The following CTNNA3 variants were observed in gnomAD, a reference collection of about 807,000 sequenced individuals.
CTNNA3 encodes the protein catenin alpha-3.
CTNNA3 carries 76 observed loss-of-function variants against 95.7 expected under a neutral mutation model. That is an observed-to-expected ratio of 0.79 (90% CI 0.66 to 0.96). The LOEUF is 0.96. Ranked by LOEUF, CTNNA3 falls within the 40% of genes least tolerant of loss-of-function variation. The pLI is 0.00. For missense variants in CTNNA3, 1,191 were observed against 1,089.8 expected (o/e 1.09, Z -1.31); for synonymous variants, 431 against 374.4 (o/e 1.15, Z -1.74).
At chr10:67,298,784 T>C (rs964699792) in intron 5 of CTNNA3, among the ~76,000 whole-genome samples, 1 of 152,226 alleles carries the variant, frequency 6.6e-6, no homozygotes, top group African/African-American at 2.4e-5. Flanking sequence ...GTTGCACAAC[T>C]GGAACTATAT....
chr10:66,773,241 C>T (rs1289328128), intron 8 of CTNNA3, among the ~76,000 whole-genome samples: 1 of 152,140 alleles, frequency 6.6e-6, no homozygotes, highest in Non-Finnish European at 1.5e-5. Flanking sequence ...TACACACATA[C>T]CACTTCTCCT....
At chr10:65,937,598 G>T (rs1371313850) in intron 17 of CTNNA3, among the ~76,000 whole-genome samples, 1 of 152,054 alleles carries the variant, frequency 6.6e-6, no homozygotes, top group Admixed American at 6.5e-5. Context: ...TTCAAGTAGT[G>T]ATCATGACCA....
intron 1 of CTNNA3, among the ~76,000 whole-genome samples, chr10:67,756,256 A>T (rs890154382): frequency 3.9e-5 from 6 of 152,228 alleles, no homozygotes; most frequent in Non-Finnish European, 7.3e-5. Context: ...CCTAGTTTTT[A>T]GATAAATCAG....
At chr10:66,800,070 G>A (rs914790130) in intron 7 of CTNNA3, among the ~76,000 whole-genome samples, 1 of 151,224 alleles carries the variant, frequency 6.6e-6, no homozygotes, top group Admixed American at 6.6e-5. Flanking sequence ...CTAAAGAAAG[G>A]TCTTTAAGTA....
intron 13 of CTNNA3, among the ~76,000 whole-genome samples, chr10:66,196,471 C>T (rs747160483): frequency 4.6e-5 from 7 of 152,116 alleles, no homozygotes; most frequent in East Asian, 1.9e-4. Flanking sequence ...GGGAAGCCAA[C>T]CAGAAACTCC....
chr10:66,256,127 G>A (rs952818568), intron 13 of CTNNA3, among the ~76,000 whole-genome samples: 18 of 152,090 alleles, frequency 1.2e-4, no homozygotes, highest in African/African-American at 4.3e-4. Context: ...TTGTTGGAAG[G>A]AATGAAAAAG....
intron 1 of CTNNA3, among the ~76,000 whole-genome samples, chr10:67,678,228 C>T (rs1840568157): frequency 6.6e-6 from 1 of 152,074 alleles, no homozygotes; most frequent in South Asian, 2.1e-4. Context: ...GAATATATCT[C>T]TTCTGTGTTC....
At chr10:67,424,690 A>G (rs1349963378) in intron 5 of CTNNA3, among the ~76,000 whole-genome samples, 1 of 152,074 alleles carries the variant, frequency 6.6e-6, no homozygotes, top group South Asian at 2.1e-4. Context: ...ATTATACTCA[A>G]TAATTTTCTT....
chr10:67,489,788 T>TTATATATATATATATATATATA (rs372899542), intron 5 of CTNNA3, among the ~76,000 whole-genome samples: 8 of 142,456 alleles, frequency 5.6e-5, no homozygotes, highest in African/African-American at 1.9e-4. Context: ...ATACATGATT[T>TTATATATATATATATATATATA]TATATATATA....
chr10:67,320,153 G>A (rs573148016), intron 5 of CTNNA3, among the ~76,000 whole-genome samples: 1 of 152,206 alleles, frequency 6.6e-6, no homozygotes, highest in South Asian at 2.1e-4. Flanking sequence ...TTAGATTTGG[G>A]AAAGCCTCTT....
At chr10:66,227,292 C>T (rs2089347023) in intron 13 of CTNNA3, among the ~76,000 whole-genome samples, 1 of 151,972 alleles carries the variant, frequency 6.6e-6, no homozygotes, top group South Asian at 2.1e-4. Flanking sequence ...CAGTTTTCTC[C>T]ATTCAGTATA....
intron 15 of CTNNA3, among the ~76,000 whole-genome samples, chr10:66,021,921 G>A (rs567266611): frequency 2.3e-4 from 32 of 140,014 alleles, no homozygotes; most frequent in Admixed American, 5.5e-4. Flanking sequence ...TTGTACGACC[G>A]CAGCTCATTG....
chr10:66,612,110 C>A (rs1291615212), intron 10 of CTNNA3, among the ~76,000 whole-genome samples: 3 of 152,100 alleles, frequency 2.0e-5, no homozygotes, highest in Non-Finnish European at 4.4e-5. Context: ...CTATAAACCT[C>A]AAATTCATTC....
chr10:66,483,886 A>G (rs1385865788), intron 11 of CTNNA3, among the ~76,000 whole-genome samples: 1 of 152,170 alleles, frequency 6.6e-6, no homozygotes, highest in African/African-American at 2.4e-5. Flanking sequence ...AAAAACTTAA[A>G]AAAATAAGAT....
At position 66,781,997 on chromosome 10, in the gene CTNNA3, TTAAAC is replaced by T. The variant is rs71791563; in HGVS notation, c.1048-6478_1048-6474del. Among the ~76,000 whole-genome samples, 465 of 152,248 alleles carry T rather than the reference TTAAAC, an allele frequency of 3.1e-3. 3 individuals carry two copies. Among genetic ancestry groups the T allele is most frequent in the African/African-American group, 0.011 (446 of 41,550 alleles). Reference sequence around the variant, plus strand: ...CATGACAACTTGAAGCCACTGTAACTTAAACTCAATATATCTGTTATGTAAGCTTT... The same window carrying T: ...CATGACAACTTGAAGCCACTGTAACTTCAATATATCTGTTATGTAAGCTTT... On this transcript the variant is annotated intron_variant, in intron 7 of 17. Transcript: ENST00000433211.
At chr10:66,577,005 A>C (rs1843024634) in intron 10 of CTNNA3, among the ~76,000 whole-genome samples, 1 of 148,232 alleles carries the variant, frequency 6.7e-6, no homozygotes, top group African/African-American at 2.5e-5. Flanking sequence ...TTGTTTCTTA[A>C]CTTTTTAATA....
At chr10:66,562,695 T>A (rs1842589760) in intron 10 of CTNNA3, among the ~76,000 whole-genome samples, 1 of 152,078 alleles carries the variant, frequency 6.6e-6, no homozygotes, top group Non-Finnish European at 1.5e-5. Context: ...TGCTAATATG[T>A]ACAGATCAAA....
intron 5 of CTNNA3, among the ~76,000 whole-genome samples, chr10:67,516,497 C>T (rs147812678): frequency 6.6e-6 from 1 of 152,250 alleles, no homozygotes; most frequent in East Asian, 1.9e-4. Flanking sequence ...TTCTCAAGTT[C>T]CCAGAGTAAG....
chr10:67,733,382 C>T (rs1274120571), intron 1 of CTNNA3, among the ~76,000 whole-genome samples: 2 of 152,092 alleles, frequency 1.3e-5, no homozygotes, highest in Non-Finnish European at 2.9e-5. Context: ...AGACATAATA[C>T]ATCTAAAATG....
Sources: allele counts gnomAD v4.1 joint callset (sites outside exome capture counted in the v4.1 genomes callset), GRCh38; gene constraint gnomAD v4.1.1; transcripts MANE v1.5; gene names NCBI Gene and HGNC (gene_info 2026-07-23, HGNC 2026-07-21).